Variants in LRFN2 observed in about 807,000 individuals in gnomAD.
LRFN2 encodes leucine-rich repeat and fibronectin type-III domain-containing protein 2.
LRFN2 carries 18 observed loss-of-function variants against 37.3 expected under a neutral mutation model. The observed-to-expected ratio is 0.48, with a 90% confidence interval of 0.33 to 0.72. The LOEUF (loss-of-function observed/expected upper bound fraction) is 0.72, where lower values mean the gene tolerates loss of function less well. LRFN2 is among the 30% of genes least tolerant of loss of function. LRFN2 has a pLI of 0.02. For missense variants in LRFN2, 1,006 were observed against 1,060.7 expected, an observed-to-expected ratio of 0.95 and a Z score of 0.72; for synonymous variants, 556 against 466.6, an observed-to-expected ratio of 1.19 and a Z score of -2.47.
intron 1 of LRFN2, among the ~76,000 whole-genome samples, chr6:40,456,954 C>A (rs949387990): frequency 6.6e-6 from 1 of 152,106 alleles, no homozygotes; most frequent in African/African-American, 2.4e-5. Context: ...ACCAGGAACA[C>A]ACCAACCACG....
chr6:40,508,268 G>A (rs74637483), intron 1 of LRFN2, among the ~76,000 whole-genome samples: 2,573 of 152,358 alleles, frequency 0.017, 62 homozygotes, highest in African/African-American at 0.059. Context: ...GTAAGGGGCA[G>A]ATCAGGGCTT....
chr6:40,519,695 G>A (rs541578457), intron 1 of LRFN2, among the ~76,000 whole-genome samples: 2 of 152,320 alleles, frequency 1.3e-5, no homozygotes, highest in African/African-American at 2.4e-5. Flanking sequence ...GTTTTAGTGT[G>A]GCTTATTACT....
At chr6:40,477,926 C>G (rs1764743505) in intron 1 of LRFN2, among the ~76,000 whole-genome samples, 1 of 152,244 alleles carries the variant, frequency 6.6e-6, no homozygotes, top group South Asian at 2.1e-4. Context: ...ATGTTGTTTA[C>G]ATGCACACCG....
At position 40,399,409 on chromosome 6, in the gene LRFN2, C is replaced by G. The variant is rs935687492; in HGVS notation, c.1401-6497G>C. ...TGAAATCCAAACCCTGTACTGAATT[C>G]TCTTTCTTTTTCTTTTCTTTTTTTT... On this transcript the variant is annotated intron_variant, in intron 2 of 2. Coordinates refer to ENST00000338305, the MANE Select transcript of LRFN2 (RefSeq NM_020737.3). 8.1e-5 allele frequency among the ~76,000 whole-genome samples: 12 copies of G among 148,724 alleles called. 1 individual carries two copies. Among genetic ancestry groups the G allele is most frequent in the Non-Finnish European group, 1.6e-4 (11 of 67,018 alleles).
chr6:40,440,435 T>C (rs1005944295), intron 1 of LRFN2, among the ~76,000 whole-genome samples: 1 of 152,204 alleles, frequency 6.6e-6, no homozygotes, highest in Non-Finnish European at 1.5e-5. Context: ...GCAAATCCAG[T>C]ACCTGGCACT....
intron 1 of LRFN2, among the ~76,000 whole-genome samples, chr6:40,582,066 C>T (rs1308473920): frequency 2.0e-5 from 3 of 152,054 alleles, no homozygotes; most frequent in East Asian, 1.9e-4. Flanking sequence ...AATGAGAGGG[C>T]CAAATAGACT....
At chr6:40,576,957 G>A (rs1009459038) in intron 1 of LRFN2, among the ~76,000 whole-genome samples, 11 of 151,750 alleles carry the variant, frequency 7.2e-5, no homozygotes, top group African/African-American at 2.4e-4. Flanking sequence ...TGCATGATCC[G>A]TTCCTGCACC....
intron 2 of LRFN2, among the ~76,000 whole-genome samples, chr6:40,394,378 T>C (rs1197822621): frequency 6.6e-6 from 1 of 152,140 alleles, no homozygotes; most frequent in Non-Finnish European, 1.5e-5. Flanking sequence ...CCCATTCTCC[T>C]ATTCCCTACT....
Position 40,392,083 on chromosome 6 carries a change from G to A in LRFN2, c.2230C>T (p.Pro744Ser). The change falls in exon 3 of 3, where the codon CCT becomes TCT. Residue 744 changes from proline to serine, a missense_variant. Coordinates refer to ENST00000338305, the MANE Select transcript of LRFN2 (RefSeq NM_020737.3). This position sits in a 1 kb window ranked among gnomAD's most constrained non-coding sequence, Gnocchi z 4.7. The part of the protein sequence containing the change: ...AGGVVPGGYS[P>S]PRKVSNIWTK... ...CAGATGTTCGAGACCTTCCGAGGAGGACTGTAGCCGCCCGGCACGACCCCT... is the reference window on the plus strand; with the variant it reads ...CAGATGTTCGAGACCTTCCGAGGAGAACTGTAGCCGCCCGGCACGACCCCT... 6.2e-7 allele frequency: 1 copy of A among 1,614,014 alleles called. No homozygotes were observed. The highest frequency in any genetic ancestry group is 8.5e-7 in the Non-Finnish European group (1 of 1,179,992).
intron 2 of LRFN2, among the ~76,000 whole-genome samples, chr6:40,406,194 C>T (rs1479043713): frequency 6.6e-6 from 1 of 152,172 alleles, no homozygotes; most frequent in East Asian, 1.9e-4. Flanking sequence ...TGATACAGCC[C>T]CGTCGCAGGG....
intron 2 of LRFN2, among the ~76,000 whole-genome samples, chr6:40,396,768 G>A (rs896410483): frequency 6.6e-6 from 1 of 151,674 alleles, no homozygotes; most frequent in Non-Finnish European, 1.5e-5. Context: ...GTGTGTTGGC[G>A]GTAGGAGGAG....
Position 40,432,780 on chromosome 6 carries a change from G to A in LRFN2, c.334C>T (p.Leu112=), listed in dbSNP as rs879245003. The stretch of plus-strand genomic sequence containing the variant: ...AGGGTGTCCTCCCCAAGGCTTGGCA[G>A]CCGATTGCTGTCAAGATGCAGGGAG... The part of the protein sequence containing the change: ...LRSLHLDSNR[L]PSLGEDTLRG... The change falls in exon 2 of 3, where the codon CTG becomes TTG. Residue 112 remains leucine, a synonymous_variant. Transcript: ENST00000338305. 6.2e-7 allele frequency: 1 copy of A among 1,614,208 alleles called. No homozygotes were observed. Among genetic ancestry groups the A allele is most frequent in the Non-Finnish European group, 8.5e-7 (1 of 1,180,046 alleles).
chr6:40,456,070 G>A (rs934136319), intron 1 of LRFN2, among the ~76,000 whole-genome samples: 31 of 152,160 alleles, frequency 2.0e-4, no homozygotes, highest in Non-Finnish European at 4.4e-4. Flanking sequence ...TTGACAGCCT[G>A]CAAGAGAGAA....
intron 1 of LRFN2, among the ~76,000 whole-genome samples, chr6:40,512,523 T>G (rs765316621): frequency 2.1e-4 from 32 of 152,230 alleles, no homozygotes; most frequent in Non-Finnish European, 3.8e-4. Flanking sequence ...GCAGAGATTC[T>G]GTGCCCCCAG....
chr6:40,551,220 T>C (rs796169328), intron 1 of LRFN2, among the ~76,000 whole-genome samples: 2 of 152,200 alleles, frequency 1.3e-5, no homozygotes, highest in African/African-American at 4.8e-5. Context: ...TTACAGAAGG[T>C]CCACTGCATT....
intron 2 of LRFN2, among the ~76,000 whole-genome samples, chr6:40,427,389 G>A (rs1763378456): frequency 6.6e-6 from 1 of 152,204 alleles, no homozygotes; most frequent in Admixed American, 6.5e-5. Flanking sequence ...GACGTGCTCT[G>A]TTTATGGTAG....
chr6:40,529,898 A>G (rs1366103646), intron 1 of LRFN2, among the ~76,000 whole-genome samples: 4 of 152,194 alleles, frequency 2.6e-5, no homozygotes, highest in African/African-American at 9.6e-5. Flanking sequence ...TTATTATGCT[A>G]ATTTGAAGGA....
intron 1 of LRFN2, among the ~76,000 whole-genome samples, chr6:40,447,440 C>T (rs1047718144): frequency 3.3e-5 from 5 of 152,214 alleles, no homozygotes; most frequent in Non-Finnish European, 4.4e-5. Context: ...GCAGAGCTGT[C>T]ACCATCCCAT....
At chr6:40,538,749 G>A (rs563483925) in intron 1 of LRFN2, among the ~76,000 whole-genome samples, 19 of 152,332 alleles carry the variant, frequency 1.2e-4, no homozygotes, top group Admixed American at 3.3e-4. Context: ...ACCTGCCCCC[G>A]GTCTCAGATA....
Sources: allele counts gnomAD v4.1 joint callset (sites outside exome capture counted in the v4.1 genomes callset), GRCh38; gene constraint gnomAD v4.1.1; non-coding constraint Gnocchi (gnomAD v3.1); transcripts MANE v1.5; gene names NCBI Gene and HGNC (gene_info 2026-07-23, HGNC 2026-07-21).